The following ZZZ3 variants were observed in gnomAD, a reference collection of about 807,000 sequenced individuals.
The protein encoded by ZZZ3 is ZZ-type zinc finger-containing protein 3.
In ZZZ3, 22 loss-of-function variants were observed where a neutral mutation model predicts 95.2. The observed-to-expected ratio is 0.23, with a 90% CI of 0.17 to 0.33. The LOEUF (loss-of-function observed/expected upper bound fraction) is 0.33, where lower values mean the gene tolerates loss of function less well. Among genes scored for constraint, ZZZ3 ranks in the 10% least tolerant of loss-of-function variants. The pLI, the probability that ZZZ3 is intolerant of heterozygous loss-of-function variation, is 1.00. For synonymous variants in ZZZ3, 335 were observed against 358.9 expected (o/e 0.93, Z 0.75); for missense variants, 885 against 1,066.5 (o/e 0.83, Z 2.37).
At chr1:77,636,746 C>A (rs1668343514) in intron 4 of ZZZ3, among the ~76,000 whole-genome samples, 1 of 146,768 alleles carries the variant, frequency 6.8e-6, no homozygotes, top group African/African-American at 2.5e-5. Flanking sequence ...ATAGTAAGGC[C>A]TATCTTAATT....
intron 12 of ZZZ3, among the ~76,000 whole-genome samples, chr1:77,570,559 A>T (rs1310229158): frequency 6.6e-6 from 1 of 152,110 alleles, no homozygotes; most frequent in Non-Finnish European, 1.5e-5. Flanking sequence ...TATCTACAGC[A>T]TCAAGTCCAA....
intron 12 of ZZZ3, among the ~76,000 whole-genome samples, chr1:77,571,744 T>G (rs1210687433): frequency 6.6e-6 from 1 of 152,134 alleles, no homozygotes; most frequent in African/African-American, 2.4e-5. Context: ...TTTATAGATA[T>G]GGAAAGCAGA....
intron 1 of ZZZ3, among the ~76,000 whole-genome samples, chr1:77,650,734 GA>G (rs1669731314): frequency 6.7e-6 from 1 of 149,140 alleles, no homozygotes; most frequent in African/African-American, 2.4e-5. Context: ...AGAAATCAAT[GA>G]AATAGAAAAC....
At chr1:77,580,977 C>A in intron 9 of ZZZ3, 21 bp downstream of exon 9, 1 of 1,607,168 alleles carries the variant, frequency 6.2e-7, no homozygotes, top group Non-Finnish European at 8.5e-7. Flanking sequence ...TAAGCCTACA[C>A]GATTTTGAAA....
intron 10 of ZZZ3, 113 bp from the exon 11 acceptor site, chr1:77,578,982 C>T: frequency 2.2e-6 from 1 of 462,638 alleles, no homozygotes; most frequent in Non-Finnish European, 3.6e-6. Flanking sequence ...ATTCAATACT[C>T]ATCATGAATC....
intron 1 of ZZZ3, among the ~76,000 whole-genome samples, chr1:77,668,244 AC>A (rs1213552506): frequency 6.6e-6 from 1 of 152,194 alleles, no homozygotes; most frequent in Non-Finnish European, 1.5e-5. Context: ...TGTGGTCATT[AC>A]CAGTTTCTTT....
rs1236747567 is a variant in ZZZ3, at chr1:77,581,005, T to C, written c.1973A>G (p.Glu658Gly). The change falls in exon 9 of 15, where the codon GAA (glutamate) becomes GGA (glycine). Residue 658 changes from glutamate to glycine, a missense_variant. Coordinates refer to ENST00000370801, the MANE Select transcript of ZZZ3 (RefSeq NM_015534.6). Reference sequence around the variant, plus strand: ...TTTTGAAATATTTATTACCTGTTCTTCAACAGTCCACAACTGGTTAAATGT... The same window carrying C: ...TTTTGAAATATTTATTACCTGTTCTCCAACAGTCCACAACTGGTTAAATGT... ...PETFNQLWTV[E>G]EQKKLEQLLI... The C allele has an allele frequency of 6.2e-7, 1 of 1,613,822 alleles. No homozygotes were observed. Among genetic ancestry groups the C allele is most frequent in the South Asian group, 1.1e-5 (1 of 91,072 alleles).
chr1:77,613,955 C>T (rs1254512587), intron 5 of ZZZ3, among the ~76,000 whole-genome samples: 3 of 152,074 alleles, frequency 2.0e-5, no homozygotes, highest in Non-Finnish European at 4.4e-5. Flanking sequence ...CTCTGCAGTG[C>T]TACCTCTGAT....
intron 5 of ZZZ3, chr1:77,615,098 T>G (rs974185308): frequency 5.9e-5 from 9 of 152,230 alleles, no homozygotes; most frequent in African/African-American, 2.2e-4. Flanking sequence ...TCTCTATGCT[T>G]TTACAATTGA....
intron 5 of ZZZ3, among the ~76,000 whole-genome samples, chr1:77,602,937 A>T (rs565125936): frequency 3.2e-4 from 49 of 152,168 alleles, no homozygotes; most frequent in African/African-American, 1.1e-3. Context: ...AGGGTACTGC[A>T]ATTTTTTTCA....
intron 1 of ZZZ3, among the ~76,000 whole-genome samples, chr1:77,674,265 T>A (rs768734097): frequency 7.2e-5 from 11 of 152,166 alleles, no homozygotes; most frequent in Non-Finnish European, 1.3e-4. Flanking sequence ...GTTATAGGAT[T>A]TCTCAGGTTA....
At chr1:77,646,412 G>C (rs1364006854) in intron 1 of ZZZ3, among the ~76,000 whole-genome samples, 2 of 151,696 alleles carry the variant, frequency 1.3e-5, no homozygotes, top group African/African-American at 2.4e-5. Flanking sequence ...GTAGAGACAG[G>C]GTTTCACACC....
At chr1:77,580,896 G>C in intron 9 of ZZZ3, 102 bp downstream of exon 9, 1 of 978,458 alleles carries the variant, frequency 1.0e-6, no homozygotes, top group Non-Finnish European at 1.6e-6. Context: ...AAAGTGCTGG[G>C]ATTACAGGCG....
intron 11 of ZZZ3, among the ~76,000 whole-genome samples, chr1:77,577,143 A>AT (rs1662042326): frequency 6.6e-6 from 1 of 152,176 alleles, no homozygotes; most frequent in Admixed American, 6.5e-5. Context: ...CTACATGAAG[A>AT]ACCATCATTT....
Position 77,565,262 on chromosome 1 carries a change from G to C in ZZZ3, c.*378C>G, listed in dbSNP as rs1660718664. On this transcript the variant is annotated 3_prime_UTR_variant, in exon 15 of 15. Coordinates refer to ENST00000370801, the MANE Select transcript of ZZZ3 (RefSeq NM_015534.6). ...TGAAAACTATTTTCACAAAACTGAA[G>C]GCTACTAAACTGTTTTAATATAAAT... 1 of 158,648 alleles carries C rather than the reference G, an allele frequency of 6.3e-6. No individual in the cohort carries two copies. Among genetic ancestry groups the C allele is most frequent in the Non-Finnish European group, 1.4e-5 (1 of 72,714 alleles). The allele number at this position is 158,648 out of a possible 1,614,324, so 9.8% of individuals were successfully genotyped here. A position where few individuals can be genotyped will look rare whatever the true frequency, so the allele number is the denominator to read the frequency against.
At chr1:77,612,943 CTT>C (rs1665954975) in intron 5 of ZZZ3, among the ~76,000 whole-genome samples, 2 of 151,962 alleles carry the variant, frequency 1.3e-5, no homozygotes, top group Non-Finnish European at 1.5e-5. Flanking sequence ...TTCAGTTGCT[CTT>C]GTCACCAAAA....
chr1:77,640,502 A>C (rs1260660853), intron 3 of ZZZ3, among the ~76,000 whole-genome samples: 1 of 151,630 alleles, frequency 6.6e-6, no homozygotes, highest in East Asian at 1.9e-4. Context: ...CAGGAGGCTG[A>C]GGCAGGAGAA....
intron 1 of ZZZ3, among the ~76,000 whole-genome samples, chr1:77,652,486 T>C (rs1669898880): frequency 6.6e-6 from 1 of 152,206 alleles, no homozygotes; most frequent in African/African-American, 2.4e-5. Context: ...CCCTCATACA[T>C]TGCTGGTAGG....
intron 5 of ZZZ3, among the ~76,000 whole-genome samples, chr1:77,615,305 A>C (rs1666203111): frequency 1.3e-5 from 2 of 152,248 alleles, no homozygotes; most frequent in South Asian, 4.1e-4. Flanking sequence ...GTTTAGAAAA[A>C]GACACACAGA....
Sources: gnomAD v4.1 joint callset for allele counts (sites outside exome capture counted in the v4.1 genomes callset) on GRCh38, gnomAD v4.1.1 for gene constraint, MANE v1.5 for transcripts, NCBI Gene and HGNC (gene_info 2026-07-23, HGNC 2026-07-21) for gene names.